DNAJC17: variants seen among roughly 807,000 people sequenced by gnomAD.
DNAJC17 encodes the protein dnaJ homolog subfamily C member 17.
Under a neutral mutation model 48.1 loss-of-function variants are expected in DNAJC17, and 35 were observed. That is an observed-to-expected ratio of 0.73 (90% confidence interval 0.56 to 0.96). The LOEUF is 0.96. Among genes scored for constraint, DNAJC17 ranks in the 50% least tolerant of loss-of-function variants. The pLI, the probability that DNAJC17 is intolerant of heterozygous loss-of-function variation, is 0.00. For synonymous variants in DNAJC17, 117 were observed against 142.7 expected, an observed-to-expected ratio of 0.82 and a Z score of 1.28; for missense variants, 355 against 377.1, an observed-to-expected ratio of 0.94 and a Z score of 0.48.
chr15:40,777,502 T>C (rs1389581718), intron 4 of DNAJC17, among the ~76,000 whole-genome samples: 1 of 152,084 alleles, frequency 6.6e-6, no homozygotes. Flanking sequence ...GTGGATCACC[T>C]GAGGTCAGGA....
Position 40,765,171 on chromosome 15 carries a change from G to C in DNAJC17, c.*2769C>G, listed in dbSNP as rs867613601. 2 of 152,190 alleles carry C rather than the reference G, an allele frequency of 1.3e-5. No individual in the cohort carries two copies. Among genetic ancestry groups the C allele is most frequent in the African/African-American group, 2.4e-5 (1 of 41,436 alleles). 9.4% of individuals were successfully genotyped at this position (152,190 alleles called of 1,614,324 possible). ...CCAAAGTGATTCTTATTTCTTAAAAGATATGGCTTTATTGATATGTAATGT... is the reference window on the plus strand; with the variant it reads ...CCAAAGTGATTCTTATTTCTTAAAACATATGGCTTTATTGATATGTAATGT... On this transcript the variant is annotated 3_prime_UTR_variant, in exon 11 of 11. Coordinates refer to ENST00000220496, the MANE Select transcript of DNAJC17 (RefSeq NM_018163.3).
Position 40,765,984 on chromosome 15 carries a change from T to C in DNAJC17, c.*1956A>G, listed in dbSNP as rs1888938650. The C allele has an allele frequency of 1.3e-6, 1 of 775,982 alleles. No homozygotes were observed. The highest frequency in any genetic ancestry group is 3.0e-5 in the East Asian group (1 of 33,556). 48.1% of individuals were successfully genotyped at this position (775,982 alleles called of 1,614,324 possible). ...GCCCCTAGACCTGCCTCTGCTCCCT[T>C]TATACAACCTCCAAGCCCAGGGACA... On this transcript the variant is annotated 3_prime_UTR_variant, in exon 11 of 11. Coordinates refer to ENST00000220496, the MANE Select transcript of DNAJC17 (RefSeq NM_018163.3).
chr15:40,786,678 G>A (rs16971018), intron 1 of DNAJC17, among the ~76,000 whole-genome samples: 2,042 of 152,276 alleles, frequency 0.013, 39 homozygotes, highest in African/African-American at 0.047. Context: ...CTTCACAAAG[G>A]ATCCAGGTGA....
Position 40,767,372 on chromosome 15 carries a change from CG to C in DNAJC17, c.*567del. 3 of 1,585,950 alleles carry C rather than the reference CG, an allele frequency of 1.9e-6. No homozygotes were observed. Among genetic ancestry groups the C allele is most frequent in the Non-Finnish European group, 2.6e-6 (3 of 1,167,088 alleles). On this transcript the variant is annotated 3_prime_UTR_variant, in exon 11 of 11. Coordinates refer to ENST00000220496, the MANE Select transcript of DNAJC17 (RefSeq NM_018163.3). ...TGACCTTCTCATGCTGATTTGCAGA[CG>C]GGGCACCCCTGTGGAGGGGCTGCTG...
intron 1 of DNAJC17, among the ~76,000 whole-genome samples, chr15:40,802,207 G>T (rs888390377): frequency 2.8e-5 from 4 of 144,556 alleles, no homozygotes; most frequent in African/African-American, 5.3e-5. Flanking sequence ...TTCTAGCTCC[G>T]TCACCCAGGC....
At chr15:40,798,423 T>C (rs1252890227) in intron 1 of DNAJC17, among the ~76,000 whole-genome samples, 1 of 152,162 alleles carries the variant, frequency 6.6e-6, no homozygotes, top group Non-Finnish European at 1.5e-5. Context: ...AGATGGATGG[T>C]GGTGATGGCT....
intron 1 of DNAJC17, among the ~76,000 whole-genome samples, chr15:40,781,432 G>A (rs908369244): frequency 4.0e-5 from 6 of 150,846 alleles, no homozygotes; most frequent in African/African-American, 7.3e-5. Context: ...CCCCAGAGGC[G>A]GAGGTTGCAG....
At chr15:40,804,999 C>T (rs1008579048) in intron 1 of DNAJC17, among the ~76,000 whole-genome samples, 11 of 151,538 alleles carry the variant, frequency 7.3e-5, no homozygotes, top group Non-Finnish European at 1.6e-4. Context: ...GAGACTCCGT[C>T]TCAAAAAAAA....
intron 4 of DNAJC17, among the ~76,000 whole-genome samples, chr15:40,778,826 C>T (rs981491602): frequency 3.9e-5 from 6 of 152,060 alleles, no homozygotes; most frequent in Non-Finnish European, 5.9e-5. Context: ...GTCCCACTAT[C>T]GTGAGGCTGA....
Position 40,773,825 on chromosome 15 carries a change from G to T in DNAJC17, c.694C>A (p.Gln232Lys). Residue 232 changes from glutamine to lysine, a missense_variant, in exon 10 of 11, where the codon CAG (glutamine) becomes AAG (lysine). This residue lies in a region of DNAJC17 where 68 missense variants were observed against 109.5 expected (regional missense o/e 0.62). Coordinates refer to ENST00000220496, the MANE Select transcript of DNAJC17 (RefSeq NM_018163.3). ...TTATCCACCAGGCCAACTTCATTCTGGACAGCCAGCTCCTGCCAAACACAG... is the reference window on the plus strand; with the variant it reads ...TTATCCACCAGGCCAACTTCATTCTTGACAGCCAGCTCCTGCCAAACACAG... ...ATVKAAELAV[Q>K]NEVGLVDNPL... 1 of 1,613,828 alleles carries T rather than the reference G, an allele frequency of 6.2e-7. No homozygotes were observed. Among genetic ancestry groups the T allele is most frequent in the Non-Finnish European group, 8.5e-7 (1 of 1,179,836 alleles).
chr15:40,772,004 T>G (rs1454692528), intron 10 of DNAJC17: 2 of 167,020 alleles, frequency 1.2e-5, no homozygotes, highest in African/African-American at 4.8e-5. Context: ...AAAGGGGTAC[T>G]TTGGGGAATT....
At chr15:40,776,427 TC>T in intron 5 of DNAJC17, 114 bp downstream of exon 5, 1 of 1,465,096 alleles carries the variant, frequency 6.8e-7, no homozygotes, top group South Asian at 1.1e-5. Flanking sequence ...ATCACCCAGC[TC>T]CCACTGAAGG....
chr15:40,801,997 T>C lies in DNAJC17; in HGVS notation c.78+5372A>G, dbSNP rs141331626. ...GAGGGTGAACAGGTTTGGGGATTAT[T>C]TGGGAGGCTGACTCATCAGGACCCG... is the stretch of plus-strand genomic sequence containing the variant. On this transcript the variant is annotated intron_variant, in intron 1 of 10. Transcript: ENST00000220496. Among the ~76,000 whole-genome samples, 688 of 151,804 alleles carry C rather than the reference T, an allele frequency of 4.5e-3. 7 individuals are homozygous for C. Among genetic ancestry groups the C allele is most frequent in the African/African-American group, 0.016 (663 of 41,386 alleles).
At chr15:40,787,235 G>A (rs1337350389) in intron 1 of DNAJC17, among the ~76,000 whole-genome samples, 1 of 152,156 alleles carries the variant, frequency 6.6e-6, no homozygotes, top group Non-Finnish European at 1.5e-5. Context: ...CAAATAAAGT[G>A]GATGTACTTA....
rs1235879247 is a variant in DNAJC17, at chr15:40,770,304, G to A, written c.793-2242C>T. 1.6e-6 allele frequency: 1 copy of A among 606,148 alleles called. No individual in the cohort carries two copies. The highest frequency in any genetic ancestry group is 2.9e-6 in the Non-Finnish European group (1 of 349,352). The allele number at this position is 606,148 out of a possible 1,614,324, so 37.5% of individuals were successfully genotyped here. On this transcript the variant is annotated intron_variant, in intron 10 of 10. Transcript: ENST00000220496. The surrounding 1 kb of genome is among the most constrained non-coding windows in gnomAD (Gnocchi z 5.0). ...GAACTCCCAGCTGTCTGCTCTCCTGGGCAAAAAAGTTCCTTCTTCCTGAGC... is the reference window on the plus strand; with the variant it reads ...GAACTCCCAGCTGTCTGCTCTCCTGAGCAAAAAAGTTCCTTCTTCCTGAGC...
rs1889125733 is a variant in DNAJC17, at chr15:40,771,075, G to A, written c.792+2652C>T. 3 of 1,512,928 alleles carry A rather than the reference G, an allele frequency of 2.0e-6. No individual in the cohort carries two copies. The African/African-American group carries it at 4.2e-5, about 21-fold the overall frequency. 93.7% of individuals were successfully genotyped at this position (1,512,928 alleles called of 1,614,324 possible). ...GTGACTGGAAGATCCAGAGGCTGGG[G>A]ATTAAGGAAAGGACAGGGACAGGAC... On this transcript the variant is annotated intron_variant, in intron 10 of 10. Transcript: ENST00000220496.
chr15:40,766,139 T>G lies in DNAJC17; in HGVS notation c.*1801A>C. ...TTGCTCTGAAAGCTTTCCACATCCT[T>G]ACTGGAACCGCAGAAACAGAGTCCG... On this transcript the variant is annotated 3_prime_UTR_variant, in exon 11 of 11. Coordinates refer to ENST00000220496, the MANE Select transcript of DNAJC17 (RefSeq NM_018163.3). 2 of 377,356 alleles carry G rather than the reference T, an allele frequency of 5.3e-6. No individual in the cohort carries two copies. Among genetic ancestry groups the G allele is most frequent in the Non-Finnish European group, 4.8e-6 (1 of 208,052 alleles). The allele number at this position is 377,356 out of a possible 1,614,324, so 23.4% of individuals were successfully genotyped here.
rs1888930793 is a variant in DNAJC17 at position 40,765,625 on chromosome 15, G to C, written c.*2315C>G. On this transcript the variant is annotated 3_prime_UTR_variant, in exon 11 of 11. Coordinates refer to ENST00000220496, the MANE Select transcript of DNAJC17 (RefSeq NM_018163.3). ...TAAAGCTGAGCTTTAAGGCACTAGGGAGGGCGCCTACATTGCTCCTCCTGA... is the reference window on the plus strand; with the variant it reads ...TAAAGCTGAGCTTTAAGGCACTAGGCAGGGCGCCTACATTGCTCCTCCTGA... 5.2e-6 allele frequency: 2 copies of C among 383,060 alleles called. No individual in the cohort carries two copies. The highest frequency in any genetic ancestry group is 4.5e-5 in the Admixed American group (1 of 22,184). 23.7% of individuals were successfully genotyped at this position (383,060 alleles called of 1,614,324 possible). A position where few individuals can be genotyped will look rare whatever the true frequency, so the allele number is the denominator to read the frequency against.
intron 1 of DNAJC17, among the ~76,000 whole-genome samples, chr15:40,792,278 A>G (rs954561424): frequency 1.3e-5 from 2 of 152,238 alleles, no homozygotes; most frequent in Admixed American, 1.3e-4. Context: ...TAGCTAGCTT[A>G]AAGATAAAAT....
Sources: allele counts gnomAD v4.1 joint callset (sites outside exome capture counted in the v4.1 genomes callset), GRCh38; gene constraint gnomAD v4.1.1; regional missense constraint gnomAD v4.1.1; non-coding constraint Gnocchi (gnomAD v3.1); transcripts MANE v1.5; gene names NCBI Gene and HGNC (gene_info 2026-07-23, HGNC 2026-07-21).